The following PFKFB3 variants were observed in gnomAD, a reference collection of about 807,000 sequenced individuals.
PFKFB3 encodes 6-phosphofructo-2-kinase/fructose-2,6-biphosphatase 3, also known as 6-phosphofructo-2-kinase/fructose-2,6-bisphosphatase 3.
In PFKFB3, 33 loss-of-function variants were observed where a neutral mutation model predicts 68.0. The ratio of observed to expected loss-of-function variants is 0.49; its 90% CI spans 0.37 to 0.65. The LOEUF is 0.65. Ranked by LOEUF, PFKFB3 falls within the 30% of genes least tolerant of loss-of-function variation. The pLI, the probability that PFKFB3 is intolerant of heterozygous loss-of-function variation, is 0.00. For missense variants in PFKFB3, 586 were observed against 712.2 expected (o/e 0.82, Z 2.02); for synonymous variants, 315 against 288.2 (o/e 1.09, Z -0.94).
intron 1 of PFKFB3, among the ~76,000 whole-genome samples, chr10:6,181,637 T>C (rs1842715136): frequency 1.3e-5 from 2 of 151,444 alleles, no homozygotes; most frequent in Non-Finnish European, 2.9e-5. Flanking sequence ...CTGGGAAACA[T>C]AGCGAGGCCT....
At chr10:6,252,118 T>C (rs1247148386) in intron 14 of PFKFB3, among the ~76,000 whole-genome samples, 4 of 152,244 alleles carry the variant, frequency 2.6e-5, no homozygotes, top group Non-Finnish European at 5.9e-5. Flanking sequence ...AAGAACCCAC[T>C]GTTCCTACGG....
the PFKFB3 span, among the ~76,000 whole-genome samples, chr10:6,281,382 C>G: frequency 2.0e-5 from 3 of 151,830 alleles, no homozygotes; most frequent in Non-Finnish European, 2.9e-5. Flanking sequence ...CTAGGGCATA[C>G]AGAAACGGCT....
At chr10:6,279,952 G>A in the PFKFB3 span, among the ~76,000 whole-genome samples, 14 of 138,902 alleles carry the variant, frequency 1.0e-4, no homozygotes, top group Admixed American at 2.8e-4. Flanking sequence ...AAGACTCAGA[G>A]CTTTGCAGGT....
the PFKFB3 span, among the ~76,000 whole-genome samples, chr10:6,291,509 G>A: frequency 6.7e-6 from 1 of 150,154 alleles, no homozygotes; most frequent in East Asian, 2.0e-4. Context: ...CAGAGATTGT[G>A]CCGCTGCACT....
At chr10:6,158,948 C>T (rs1489409046) in intron 1 of PFKFB3, among the ~76,000 whole-genome samples, 2 of 152,038 alleles carry the variant, frequency 1.3e-5, no homozygotes, top group African/African-American at 4.8e-5. Context: ...CAATCATGTT[C>T]ATAGCAGCAC....
In PFKFB3 at chr10:6,187,610, C is replaced by T. The variant is rs187861591; in HGVS notation, c.17-26013C>T. ...GGAAAGTCAAATTAAATGTATTTGT[C>T]ATTATCTTTCAGCATTGGTGTTTGA... is the stretch of plus-strand genomic sequence containing the variant. On this transcript the variant is annotated intron_variant, in intron 1 of 14. Coordinates refer to the PFKFB3 transcript ENST00000379789. Among the ~76,000 whole-genome samples the T allele has an allele frequency of 3.5e-3, 527 of 152,228 alleles. 2 individuals carry two copies. The highest frequency in any genetic ancestry group is 5.1e-3 in the Non-Finnish European group (350 of 68,014).
the PFKFB3 span, among the ~76,000 whole-genome samples, chr10:6,284,848 T>C: frequency 6.6e-6 from 1 of 152,258 alleles, no homozygotes; most frequent in Non-Finnish European, 1.5e-5. Flanking sequence ...TTTGTCCTTT[T>C]GTCTTTGGCT....
intron 1 of PFKFB3, among the ~76,000 whole-genome samples, chr10:6,177,489 T>G (rs1436968038): frequency 6.8e-6 from 1 of 146,716 alleles, no homozygotes; most frequent in African/African-American, 2.5e-5. Context: ...TCTTTCTTTT[T>G]CTTTTCTTTC....
chr10:6,210,364 GTTTTT>G lies in PFKFB3; in HGVS notation c.77-3249_77-3245del, dbSNP rs1375867755. ...TTTTTTTGTTTTTTTTTGTTTTTTT[GTTTTT>G]TTTTTTTTTGAGACGAAGTTTCGCT... On this transcript the variant is annotated intron_variant, in intron 1 of 14. Transcript: ENST00000379775. Among the ~76,000 whole-genome samples, 2 of 58,638 alleles carry G rather than the reference GTTTTT, an allele frequency of 3.4e-5. 1 individual carries two copies. Among genetic ancestry groups the G allele is most frequent in the Non-Finnish European group, 8.8e-5 (2 of 22,822 alleles). The allele number at this position is 58,638 out of a possible 152,430, so 38.5% of individuals were successfully genotyped here.
chr10:6,200,426 G>T (rs1030936169), upstream of PFKFB3, among the ~76,000 whole-genome samples: 1 of 152,088 alleles, frequency 6.6e-6, no homozygotes, highest in Non-Finnish European at 1.5e-5. Flanking sequence ...GAGTTAGGAG[G>T]ATGTCCAAAC....
chr10:6,178,736 C>T (rs185390152), intron 1 of PFKFB3, among the ~76,000 whole-genome samples: 18 of 152,370 alleles, frequency 1.2e-4, no homozygotes, highest in African/African-American at 4.1e-4. Context: ...AGAGCCACCC[C>T]ATCGTGTGCA....
intron 14 of PFKFB3, among the ~76,000 whole-genome samples, chr10:6,227,240 C>G (rs961706414): frequency 2.0e-5 from 3 of 152,158 alleles, no homozygotes; most frequent in African/African-American, 7.2e-5. Flanking sequence ...CAGCCTGGAA[C>G]CCTTGCAAAT....
rs758136512 is a variant in PFKFB3 at position 6,217,153 on chromosome 10, G to A, written c.460G>A (p.Val154Met). The A allele has an allele frequency of 3.7e-6, 6 of 1,614,074 alleles. No homozygotes were observed. The highest frequency in any genetic ancestry group is 4.2e-6 in the Non-Finnish European group (5 of 1,180,016). ...CCACCAGGCGTTTTTCATCGAGTCG[G>A]TGTGCGACGACCCTACAGTTGTGGC... ...NDFKAFFIES[V>M]CDDPTVVASN... is the part of the protein sequence containing the mutation. The change falls in exon 6 of 15, where the codon GTG becomes ATG. Residue 154 changes from valine to methionine, a missense_variant. Val to Met is a conservative substitution (Grantham distance 21, BLOSUM62 1). Coordinates refer to ENST00000379775, the MANE Select transcript of PFKFB3 (RefSeq NM_004566.4).
intron 1 of PFKFB3, among the ~76,000 whole-genome samples, chr10:6,173,020 C>T (rs1335123734): frequency 6.6e-6 from 1 of 152,174 alleles, no homozygotes; most frequent in African/African-American, 2.4e-5. Context: ...CATCCCCTTA[C>T]ACAGGATCTG....
downstream of PFKFB3, among the ~76,000 whole-genome samples, chr10:6,238,000 C>A (rs1034035847): frequency 6.6e-6 from 1 of 151,622 alleles, no homozygotes; most frequent in Non-Finnish European, 1.5e-5. Flanking sequence ...TTTGTGAAGG[C>A]GCTGGTTTCA....
chr10:6,236,016 G>A (rs998877105), downstream of PFKFB3, among the ~76,000 whole-genome samples: 5 of 151,984 alleles, frequency 3.3e-5, no homozygotes, highest in South Asian at 4.1e-4. Context: ...ATCTGCCTGC[G>A]TCGGCTTCCC....
At chr10:6,145,127 G>A (rs1841334971) in intron 1 of PFKFB3, 1 of 864,586 alleles carries the variant, frequency 1.2e-6, no homozygotes, top group Non-Finnish European at 1.5e-6. Flanking sequence ...TGTGCACCCG[G>A]GCTGCGGCGG....
At chr10:6,251,786 T>G (rs903216935) in intron 14 of PFKFB3, among the ~76,000 whole-genome samples, 1 of 151,988 alleles carries the variant, frequency 6.6e-6, no homozygotes, top group African/African-American at 2.4e-5. Flanking sequence ...CTGACCAACA[T>G]AGTGAAACCC....
upstream of PFKFB3, chr10:6,202,732 C>G: frequency 3.7e-6 from 1 of 270,166 alleles, no homozygotes; most frequent in Non-Finnish European, 5.9e-6. Context: ...GCGCTCCAGG[C>G]CCGGGGCAGG....
Sources: gnomAD v4.1 joint callset for allele counts (sites outside exome capture counted in the v4.1 genomes callset) on GRCh38, gnomAD v4.1.1 for gene constraint, MANE v1.5 for transcripts, NCBI Gene and HGNC (gene_info 2026-07-23, HGNC 2026-07-21) for gene names.